NPR1: variants seen among roughly 807,000 people sequenced by gnomAD.
NPR1 encodes natriuretic peptide receptor 1, also known as atrial natriuretic peptide receptor 1.
NPR1 carries 57 observed loss-of-function variants against 116.9 expected under a neutral mutation model. The ratio of observed to expected loss-of-function variants is 0.49; its 90% CI spans 0.39 to 0.61. NPR1 has a LOEUF of 0.61. Among genes scored for constraint, NPR1 ranks in the 20% least tolerant of loss-of-function variants. The pLI, the probability that NPR1 is intolerant of heterozygous loss-of-function variation, is 0.00. For missense variants in NPR1, 1,096 were observed against 1,409.8 expected (o/e 0.78, Z 3.56); for synonymous variants, 555 against 601.6 (o/e 0.92, Z 1.13).
chr1:153,690,942 CAAAAAAAAAA>C (rs57820357), intron 20 of NPR1, among the ~76,000 whole-genome samples: 1 of 51,290 alleles, frequency 1.9e-5, no homozygotes, highest in African/African-American at 7.0e-5. Context: ...AACTCTGTCT[CAAAAAAAAAA>C]AAAAAAAAAA....
At chr1:153,687,394 C>T (rs747784398) in intron 13 of NPR1, 38 bp downstream of exon 13, 2 of 1,607,230 alleles carry the variant, frequency 1.2e-6, no homozygotes, top group East Asian at 4.5e-5. Flanking sequence ...CTGCCCCCAG[C>T]ACCACCCAGT....
chr1:153,692,599 G>A (rs776388334), intron 20 of NPR1, among the ~76,000 whole-genome samples: 2 of 150,208 alleles, frequency 1.3e-5, no homozygotes, highest in South Asian at 2.1e-4. Context: ...TGCAACCTCC[G>A]CCTCCCAGGT....
intron 15 of NPR1, 91 bp downstream of exon 15, chr1:153,688,312 C>A: frequency 7.4e-7 from 1 of 1,358,498 alleles, no homozygotes. Flanking sequence ...CCAGCAGTGG[C>A]AGAGGGAGAC....
Position 153,693,733 on chromosome 1 carries a change from C to T in NPR1, c.*319C>T, listed in dbSNP as rs1670169487. On this transcript the variant is annotated 3_prime_UTR_variant, in exon 22 of 22. Coordinates refer to ENST00000368680, the MANE Select transcript of NPR1 (RefSeq NM_000906.4). ...CCTGATCCCCTCCCCTCCCCATGCT[C>T]TCCTCCCTCAGCCTTGCTACCCTGT... The T allele has an allele frequency of 2.5e-6, 1 of 406,182 alleles. No individual in the cohort carries two copies. The allele number at this position is 406,182 out of a possible 1,614,324, so 25.2% of individuals were successfully genotyped here. A position where few individuals can be genotyped will look rare whatever the true frequency, so the allele number is the denominator to read the frequency against.
rs1669764755 is a variant in NPR1, at chr1:153,681,093, G to A, written c.922-87G>A. ...TGAGCTAAGCAGAGACGCAGCTCTG[G>A]GAGGTGGGCTCCCAACTGTTGGGGC... is the stretch of plus-strand genomic sequence containing the variant. On this transcript the variant is annotated intron_variant, in intron 2 of 21. Coordinates refer to ENST00000368680, the MANE Select transcript of NPR1 (RefSeq NM_000906.4). The A allele has an allele frequency of 7.8e-6, 6 of 770,946 alleles. No homozygotes were observed. In the Admixed American group the frequency reaches 1.1e-4, roughly 14 times the overall value. The allele number at this position is 770,946 out of a possible 1,614,324, so 47.8% of individuals were successfully genotyped here. A position where few individuals can be genotyped will look rare whatever the true frequency, so the allele number is the denominator to read the frequency against.
In NPR1 at chr1:153,685,832, A is replaced by T. The variant is rs1443595779; in HGVS notation, c.1632A>T (p.Leu544=). ...GAGGCTCCAATTACGGCTCCCTGCTAACCACAGAGGGCCAGTTCCAAGTCT... is the reference window on the plus strand; with the variant it reads ...GAGGCTCCAATTACGGCTCCCTGCTTACCACAGAGGGCCAGTTCCAAGTCT... ...SGRGSNYGSL[L]TTEGQFQVFA... The change falls in exon 9 of 22, where the codon CTA becomes CTT. Residue 544 remains leucine, a synonymous_variant. Transcript: ENST00000368680. The T allele has an allele frequency of 6.2e-7, 1 of 1,614,114 alleles. No homozygotes were observed. Among genetic ancestry groups the T allele is most frequent in the East Asian group, 2.2e-5 (1 of 44,880 alleles).
intron 15 of NPR1, chr1:153,688,655 G>A (rs1004956420): frequency 2.1e-5 from 10 of 471,838 alleles, no homozygotes; most frequent in East Asian, 1.1e-4. Context: ...CACTTTGTCC[G>A]CAATTGACCC....
chr1:153,689,383 C>A lies in NPR1; in HGVS notation c.2689-70C>A, dbSNP rs1246947119. 6.2e-7 allele frequency: 1 copy of A among 1,613,420 alleles called. No individual in the cohort carries two copies. Among genetic ancestry groups the A allele is most frequent in the African/African-American group, 1.3e-5 (1 of 74,930 alleles). ...ATCCCACCAGACCTGCCTTCTGGTTCTGCTTTACCCACCTGACCCCAGGTG... is the reference window on the plus strand; with the variant it reads ...ATCCCACCAGACCTGCCTTCTGGTTATGCTTTACCCACCTGACCCCAGGTG... On this transcript the variant is annotated intron_variant, in intron 17 of 21. Transcript: ENST00000368680. The surrounding 1 kb of genome is among the most constrained non-coding windows in gnomAD (Gnocchi z 5.1).
At chr1:153,686,086 A>T in intron 9 of NPR1, 37 bp from the exon 10 acceptor site, 1 of 1,601,490 alleles carries the variant, frequency 6.2e-7, no homozygotes, top group Non-Finnish European at 8.5e-7. Context: ...ACATGGGACC[A>T]TGCTCTTCAC....
rs111441519 is a variant in NPR1, at chr1:153,690,116, C to G, written c.2932+136C>G. ...TCTCTCTCTCTCTCTCTGTCTCTCT[C>G]TCTCTCTCTCTCTCTCTCTCTCTCT... is the stretch of plus-strand genomic sequence containing the variant. On this transcript the variant is annotated intron_variant, in intron 19 of 21. Coordinates refer to ENST00000368680, the MANE Select transcript of NPR1 (RefSeq NM_000906.4). 84 of 424,082 alleles carry G rather than the reference C, an allele frequency of 2.0e-4. No homozygotes were observed. The highest frequency in any genetic ancestry group is 4.9e-4 in the African/African-American group (12 of 24,312). 26.3% of individuals were successfully genotyped at this position (424,082 alleles called of 1,614,324 possible).
At position 153,689,385 on chromosome 1, in the gene NPR1, G is replaced by A; in HGVS notation, c.2689-68G>A. The stretch of plus-strand genomic sequence containing the variant: ...CCCACCAGACCTGCCTTCTGGTTCT[G>A]CTTTACCCACCTGACCCCAGGTGGG... On this transcript the variant is annotated intron_variant, in intron 17 of 21. Transcript: ENST00000368680. This position sits in a 1 kb window ranked among gnomAD's most constrained non-coding sequence, Gnocchi z 5.1. The A allele has an allele frequency of 6.2e-7, 1 of 1,613,824 alleles. No homozygotes were observed. Among genetic ancestry groups the A allele is most frequent in the Non-Finnish European group, 8.5e-7 (1 of 1,179,770 alleles).
chr1:153,692,282 A>T (rs1670127892), intron 20 of NPR1, among the ~76,000 whole-genome samples: 2 of 152,208 alleles, frequency 1.3e-5, no homozygotes, highest in Non-Finnish European at 2.9e-5. Flanking sequence ...TTACATACCT[A>T]AGCAAGTATC....
chr1:153,686,379 A>G (rs1306116564), intron 10 of NPR1, among the ~76,000 whole-genome samples, 179 bp downstream of exon 10: 1 of 152,006 alleles, frequency 6.6e-6, no homozygotes, highest in African/African-American at 2.4e-5. Flanking sequence ...AGCTAGGAGA[A>G]GAGACCACTG....
chr1:153,684,419 G>A (rs1669871274), intron 7 of NPR1, among the ~76,000 whole-genome samples: 1 of 123,614 alleles, frequency 8.1e-6, no homozygotes, highest in Non-Finnish European at 1.6e-5. Flanking sequence ...TTGAGACGGA[G>A]TCTCGCTCTG....
At chr1:153,681,045 G>T (rs181799538) in intron 2 of NPR1, 135 bp from the exon 3 acceptor site, 93 of 649,130 alleles carry the variant, frequency 1.4e-4, no homozygotes, top group Non-Finnish European at 2.1e-4. Context: ...ACTTCATGCA[G>T]GGCATAGGGT....
At chr1:153,686,887 G>C (rs1046651419) in intron 11 of NPR1, 129 bp from the exon 12 acceptor site, 1 of 1,249,372 alleles carries the variant, frequency 8.0e-7, no homozygotes, top group African/African-American at 1.5e-5. Flanking sequence ...GTTGGGGAAG[G>C]GCAGTGGCAC....
Position 153,679,771 on chromosome 1 carries a change from C to T in NPR1, c.663C>T (p.Ala221=). 6.4e-7 allele frequency: 1 copy of T among 1,567,496 alleles called. No homozygotes were observed. The highest frequency in any genetic ancestry group is 2.3e-5 in the East Asian group (1 of 42,706). ...LNITVDHLEF[A]EDDLSHYTRL... ...TTACGGTGGACCACCTGGAGTTCGC[C>T]GAGGACGACCTCAGCCACTACACCA... The change falls in exon 1 of 22, where the codon GCC becomes GCT. Residue 221 remains alanine, a synonymous_variant. Coordinates refer to ENST00000368680, the MANE Select transcript of NPR1 (RefSeq NM_000906.4). This position sits in a 1 kb window ranked among gnomAD's most constrained non-coding sequence, Gnocchi z 4.2.
chr1:153,682,639 C>T, intron 5 of NPR1, 50 bp downstream of exon 5: 3 of 1,348,664 alleles, frequency 2.2e-6, no homozygotes, highest in Non-Finnish European at 3.2e-6. Flanking sequence ...GACATCTCAC[C>T]CTCCTACTTC....
chr1:153,688,143 T>C lies in NPR1; in HGVS notation c.2339T>C (p.Met780Thr). The C allele has an allele frequency of 1.2e-6, 2 of 1,613,876 alleles. No individual in the cohort carries two copies. Among genetic ancestry groups the C allele is most frequent in the Non-Finnish European group, 1.7e-6 (2 of 1,179,830 alleles). ...CACCTGGAGGAGTTGGGGCTGCTCATGCAGCGGTGCTGGGCTGAGGACCCA... is the reference window on the plus strand; with the variant it reads ...CACCTGGAGGAGTTGGGGCTGCTCACGCAGCGGTGCTGGGCTGAGGACCCA... The part of the protein sequence containing the change: ...QSHLEELGLL[M>T]QRCWAEDPQE... Residue 780 changes from methionine (M) to threonine (T), a missense_variant, in exon 15 of 22, where the codon ATG becomes ACG. By Grantham distance (81) the Met-to-Thr change is moderately conservative. Transcript: ENST00000368680.
Sources: allele counts gnomAD v4.1 joint callset (sites outside exome capture counted in the v4.1 genomes callset), GRCh38; gene constraint gnomAD v4.1.1; non-coding constraint Gnocchi (gnomAD v3.1); transcripts MANE v1.5; gene names NCBI Gene and HGNC (gene_info 2026-07-23, HGNC 2026-07-21).